The following CDH12 variants were observed in gnomAD, a reference collection of about 807,000 sequenced individuals.
CDH12 encodes cadherin-12.
In CDH12, 41 loss-of-function variants were observed where a neutral mutation model predicts 74.1. The ratio of observed to expected loss-of-function variants is 0.55; its 90% CI spans 0.43 to 0.72. The LOEUF (loss-of-function observed/expected upper bound fraction) is 0.72. Ranked by LOEUF, CDH12 falls within the 30% of genes least tolerant of loss-of-function variation. The pLI, the probability that CDH12 is intolerant of heterozygous loss-of-function variation, is 0.00. For missense variants in CDH12, 945 were observed against 977.2 expected (o/e 0.97, Z 0.44); for synonymous variants, 399 against 355.0 (o/e 1.12, Z -1.39).
rs370770505 is a variant in CDH12 at position 21,990,927 on chromosome 5, A to T, written c.232-15542T>A. 1.7e-4 allele frequency among the ~76,000 whole-genome samples: 25 copies of T among 143,660 alleles called. No homozygotes were observed. In the South Asian group the frequency reaches 5.3e-3, roughly 31 times the overall value. 94.2% of individuals were successfully genotyped at this position (143,660 alleles called of 152,430 possible). ...ACTTTTAATTTGATAATACAATGCC[A>T]TTAACAGAAAAAAAAAAAAACTTTT... On this transcript the variant is annotated intron_variant, in intron 5 of 14. Transcript: ENST00000382254.
At chr5:21,937,277 G>T (rs1755115385) in intron 6 of CDH12, among the ~76,000 whole-genome samples, 1 of 152,070 alleles carries the variant, frequency 6.6e-6, no homozygotes, top group Non-Finnish European at 1.5e-5. Flanking sequence ...TCTAGGAATT[G>T]GGAAAGTGTT....
At chr5:22,248,906 A>G (rs1167178704) in intron 3 of CDH12, among the ~76,000 whole-genome samples, 1 of 152,106 alleles carries the variant, frequency 6.6e-6, no homozygotes, top group Non-Finnish European at 1.5e-5. Flanking sequence ...CAAAAATGTC[A>G]TGTTATACAC....
chr5:22,506,922 A>C (rs1025470806), intron 1 of CDH12, among the ~76,000 whole-genome samples: 2 of 152,166 alleles, frequency 1.3e-5, no homozygotes, highest in Admixed American at 6.5e-5. Flanking sequence ...TTTTGGGTGC[A>C]ATAGAGTATA....
intron 4 of CDH12, among the ~76,000 whole-genome samples, chr5:22,153,653 A>T (rs1747766076): frequency 6.6e-6 from 1 of 150,436 alleles, no homozygotes; most frequent in Non-Finnish European, 1.5e-5. Context: ...TGTATTTTTA[A>T]AGACCAAATG....
At chr5:22,695,554 G>A (rs958750737) in intron 1 of CDH12, among the ~76,000 whole-genome samples, 3 of 152,230 alleles carry the variant, frequency 2.0e-5, no homozygotes, top group East Asian at 1.9e-4. Flanking sequence ...TGGGAAAACC[G>A]GCTAGCATAT....
rs558464068 is a variant in CDH12 at position 22,107,195 on chromosome 5, C to T, written c.-186-28333G>A. 2.4e-4 allele frequency among the ~76,000 whole-genome samples: 37 copies of T among 151,346 alleles called. 3 individuals carry two copies. In the South Asian group the frequency reaches 6.1e-3, roughly 25 times the overall value. ...TTGCCCAGGCTAGAGTGCAATGTCA[C>T]GATCTCGGCTCACTGCAATCTCTGC... On this transcript the variant is annotated intron_variant, in intron 4 of 14. Transcript: ENST00000382254.
chr5:22,390,556 G>A (rs1419306554), intron 3 of CDH12, among the ~76,000 whole-genome samples: 6 of 147,718 alleles, frequency 4.1e-5, no homozygotes, highest in Non-Finnish European at 6.0e-5. Context: ...CAAAAGCCTT[G>A]ATTACATGGA....
intron 5 of CDH12, among the ~76,000 whole-genome samples, chr5:22,042,666 G>A (rs1017255255): frequency 4.6e-5 from 7 of 151,948 alleles, no homozygotes; most frequent in Admixed American, 3.3e-4. Context: ...TGGGAGAATC[G>A]CTTGAGCCCA....
intron 8 of CDH12, among the ~76,000 whole-genome samples, chr5:21,819,820 G>A (rs1237652912): frequency 2.6e-5 from 4 of 151,812 alleles, no homozygotes; most frequent in South Asian, 2.1e-4. Flanking sequence ...CATAAGGAGC[G>A]GAGTAGTATG....
intron 6 of CDH12, among the ~76,000 whole-genome samples, chr5:21,855,506 T>C (rs1234128946): frequency 1.3e-5 from 2 of 151,588 alleles, no homozygotes; most frequent in Admixed American, 1.3e-4. Flanking sequence ...TTGAAATCAG[T>C]CTCTAAAAAC....
chr5:22,650,958 T>C (rs1174566861), intron 1 of CDH12, among the ~76,000 whole-genome samples: 2 of 152,058 alleles, frequency 1.3e-5, no homozygotes, highest in East Asian at 3.9e-4. Flanking sequence ...TTGTAGGTTT[T>C]TATTGTTACT....
chr5:22,440,343 T>G (rs1273635108), intron 2 of CDH12, among the ~76,000 whole-genome samples: 3 of 152,218 alleles, frequency 2.0e-5, no homozygotes, highest in East Asian at 3.9e-4. Context: ...TAATCCAGAT[T>G]TACTAACTGT....
intron 11 of CDH12, among the ~76,000 whole-genome samples, chr5:21,771,522 C>T (rs551794421): frequency 6.6e-6 from 1 of 151,940 alleles, no homozygotes; most frequent in African/African-American, 2.4e-5. Flanking sequence ...TTCTGATGGG[C>T]AATTGGTTGA....
chr5:22,615,538 C>A (rs545127194), intron 1 of CDH12, among the ~76,000 whole-genome samples: 1 of 152,012 alleles, frequency 6.6e-6, no homozygotes, highest in African/African-American at 2.4e-5. Context: ...ATGGAGGCTG[C>A]TCTTCAAGAT....
At chr5:21,903,840 G>T (rs1285736935) in intron 6 of CDH12, among the ~76,000 whole-genome samples, 2 of 151,996 alleles carry the variant, frequency 1.3e-5, no homozygotes, top group African/African-American at 2.4e-5. Context: ...GGAGCCAAAA[G>T]ATAAGAAAAC....
intron 3 of CDH12, among the ~76,000 whole-genome samples, chr5:22,380,263 C>G (rs887565282): frequency 6.6e-6 from 1 of 152,120 alleles, no homozygotes; most frequent in Non-Finnish European, 1.5e-5. Flanking sequence ...TAATCAACCT[C>G]CACTGGGGAC....
intron 11 of CDH12, among the ~76,000 whole-genome samples, chr5:21,779,731 G>T (rs757877040): frequency 1.3e-5 from 2 of 152,114 alleles, no homozygotes; most frequent in Non-Finnish European, 2.9e-5. Context: ...CATTCTTCTT[G>T]GCAGGGCAAG....
intron 4 of CDH12, among the ~76,000 whole-genome samples, chr5:22,206,143 G>A (rs1289568058): frequency 1.3e-5 from 2 of 152,130 alleles, no homozygotes; most frequent in Admixed American, 1.3e-4. Context: ...ACGTCCTCCA[G>A]TAGACACTAG....
rs1355640187 is a variant in CDH12 at position 21,956,020 on chromosome 5, A to G, written c.526+19071T>C. On this transcript the variant is annotated intron_variant, in intron 6 of 14. Coordinates refer to ENST00000382254, the MANE Select transcript of CDH12 (RefSeq NM_004061.5). ...ACAAAGACTTCAAACATTGGAAAATACCAGAGAAAGATAATAAATATTTTA... is the reference window on the plus strand; with the variant it reads ...ACAAAGACTTCAAACATTGGAAAATGCCAGAGAAAGATAATAAATATTTTA... 2.6e-5 allele frequency among the ~76,000 whole-genome samples: 4 copies of G among 152,170 alleles called. No individual in the cohort carries two copies. The East Asian group carries it at 7.7e-4, about 29-fold the overall frequency.
Sources: gnomAD v4.1 joint callset for allele counts (sites outside exome capture counted in the v4.1 genomes callset) on GRCh38, gnomAD v4.1.1 for gene constraint, MANE v1.5 for transcripts, NCBI Gene and HGNC (gene_info 2026-07-23, HGNC 2026-07-21) for gene names.